Variants in NRXN3 observed in about 807,000 individuals in gnomAD.
NRXN3 encodes neurexin 3.
A neutral mutation model predicts 137.6 loss-of-function variants in NRXN3; 32 were observed. The ratio of observed to expected loss-of-function variants is 0.23; its 90% CI spans 0.18 to 0.31. NRXN3 has a LOEUF of 0.31. NRXN3 is among the 10% of genes least tolerant of loss of function. The pLI, the probability that NRXN3 is intolerant of heterozygous loss-of-function variation, is 1.00. For synonymous variants in NRXN3, 798 were observed against 784.5 expected (o/e 1.02, Z -0.29); for missense variants, 1,574 against 2,062.5 (o/e 0.76, Z 4.59).
chr14:79,446,013 A>G (rs1461430490), intron 15 of NRXN3, among the ~76,000 whole-genome samples: 1 of 152,226 alleles, frequency 6.6e-6, no homozygotes, highest in African/African-American at 2.4e-5. Context: ...ATATTAAATG[A>G]AAGTTCACTA....
chr14:79,750,508 A>AT (rs2098993866), intron 19 of NRXN3, among the ~76,000 whole-genome samples: 2 of 152,116 alleles, frequency 1.3e-5, no homozygotes, highest in Non-Finnish European at 2.9e-5. Context: ...TGTCTTTATG[A>AT]TTCTCTATTC....
chr14:79,113,105 C>T (rs2053825738), intron 15 of NRXN3, among the ~76,000 whole-genome samples: 1 of 152,212 alleles, frequency 6.6e-6, no homozygotes, highest in Admixed American at 6.5e-5. Context: ...AGCACCATTC[C>T]TATCTTATGC....
At chr14:79,238,327 GTTAT>G (rs2073765205) in intron 15 of NRXN3, among the ~76,000 whole-genome samples, 1 of 152,008 alleles carries the variant, frequency 6.6e-6, no homozygotes, top group African/African-American at 2.4e-5. Flanking sequence ...TAATCATTAA[GTTAT>G]TTGTGTATAC....
At chr14:79,244,434 G>A (rs1457403894) in intron 15 of NRXN3, among the ~76,000 whole-genome samples, 1 of 152,102 alleles carries the variant, frequency 6.6e-6, no homozygotes, top group East Asian at 1.9e-4. Flanking sequence ...ATTCTGAGAA[G>A]TCCAGTTCAG....
chr14:78,357,260 AG>A (rs2084447188), intron 4 of NRXN3, among the ~76,000 whole-genome samples: 1 of 152,180 alleles, frequency 6.6e-6, no homozygotes, highest in Non-Finnish European at 1.5e-5. Flanking sequence ...GCAGAGAGAG[AG>A]AACTTGTGCG....
chr14:78,966,159 C>T lies in NRXN3; in HGVS notation c.2530C>T (p.Leu844Phe), dbSNP rs557316040. ...HLQSLMFNGL[L>F]YIDLCKNGDI... ...GCAGAGCCTCATGTTTAATGGCCTT[C>T]TCTACATTGACTTGTGCAAAAATGG... The change falls in exon 12 of 21, where the codon CTC becomes TTC. Residue 844 changes from leucine (L) to phenylalanine (F), a missense_variant. Around this residue, in one of 5 missense-constraint regions of NRXN3, gnomAD observed 718 missense variants for 887.6 expected, o/e 0.81. Coordinates refer to ENST00000335750, the MANE Select transcript of NRXN3 (RefSeq NM_001330195.2). 1 of 1,614,194 alleles carries T rather than the reference C, an allele frequency of 6.2e-7. No homozygotes were observed. The highest frequency in any genetic ancestry group is 1.3e-5 in the African/African-American group (1 of 75,066).
At chr14:78,403,564 G>A (rs17107494) in intron 4 of NRXN3, among the ~76,000 whole-genome samples, 3,958 of 152,258 alleles carry the variant, frequency 0.026, 155 homozygotes, top group African/African-American at 0.083. Flanking sequence ...GAAGCTCCCA[G>A]TGTATGCACA....
chr14:79,632,621 TTA>T (rs1238539886), intron 16 of NRXN3, among the ~76,000 whole-genome samples: 1 of 152,210 alleles, frequency 6.6e-6, no homozygotes, highest in Non-Finnish European at 1.5e-5. Flanking sequence ...TTAAAACAAA[TTA>T]TATCTCTGTC....
At position 78,301,569 on chromosome 14, in the gene NRXN3, T is replaced by C. The variant is rs1567204773; in HGVS notation, c.757+3709T>C. ...GAGGTTAATTGATAAATTATAAATATGTATCTACATCTAGTCTTCCCTGTT... is the reference window on the plus strand; with the variant it reads ...GAGGTTAATTGATAAATTATAAATACGTATCTACATCTAGTCTTCCCTGTT... On this transcript the variant is annotated intron_variant, in intron 4 of 20. Transcript: ENST00000335750. 3.3e-5 allele frequency among the ~76,000 whole-genome samples: 5 copies of C among 152,210 alleles called. No homozygotes were observed. In the South Asian group the frequency reaches 1.0e-3, roughly 32 times the overall value.
At chr14:78,869,785 A>G (rs935697490) in intron 10 of NRXN3, among the ~76,000 whole-genome samples, 2 of 152,154 alleles carry the variant, frequency 1.3e-5, no homozygotes, top group Non-Finnish European at 2.9e-5. Flanking sequence ...AAAATTATAG[A>G]AGGACAATTG....
At chr14:78,261,658 T>C (rs1048734377) in intron 2 of NRXN3, among the ~76,000 whole-genome samples, 1 of 152,208 alleles carries the variant, frequency 6.6e-6, no homozygotes, top group African/African-American at 2.4e-5. Context: ...AACTCATGCA[T>C]TTTATTGCTT....
intron 16 of NRXN3, among the ~76,000 whole-genome samples, chr14:79,592,678 A>G (rs221424): frequency 0.12 from 18,310 of 152,160 alleles, 1,948 homozygotes; most frequent in African/African-American, 0.28. Context: ...ATTTTCTAAG[A>G]CCTTCACTTT....
chr14:79,399,075 G>A (rs1430815691), intron 15 of NRXN3, among the ~76,000 whole-genome samples: 1 of 150,576 alleles, frequency 6.6e-6, no homozygotes, highest in Non-Finnish European at 1.5e-5. Flanking sequence ...CTCAAAGAAG[G>A]CACCTCAGAC....
At chr14:79,239,852 T>A (rs1244927798) in intron 15 of NRXN3, among the ~76,000 whole-genome samples, 1 of 152,166 alleles carries the variant, frequency 6.6e-6, no homozygotes, top group East Asian at 1.9e-4. Context: ...TTTCTGCCAT[T>A]TGCAGCAGCA....
chr14:79,155,219 A>C (rs1395179160), intron 15 of NRXN3, among the ~76,000 whole-genome samples: 1 of 151,952 alleles, frequency 6.6e-6, no homozygotes. Flanking sequence ...GAATGAAAGG[A>C]CCAATCACAA....
At chr14:78,787,728 A>C (rs1370341487) in intron 8 of NRXN3, among the ~76,000 whole-genome samples, 1 of 152,216 alleles carries the variant, frequency 6.6e-6, no homozygotes, top group Admixed American at 6.5e-5. Context: ...CAAGATGAAA[A>C]GCATAACTGG....
intron 2 of NRXN3, among the ~76,000 whole-genome samples, chr14:78,258,128 G>C (rs1225325019): frequency 6.6e-6 from 1 of 152,180 alleles, no homozygotes; most frequent in African/African-American, 2.4e-5. Flanking sequence ...TACCATTTAG[G>C]ACTATTATGA....
At chr14:79,850,154 A>G (rs746954808) in intron 20 of NRXN3, among the ~76,000 whole-genome samples, 2 of 152,214 alleles carry the variant, frequency 1.3e-5, no homozygotes, top group South Asian at 4.1e-4. Flanking sequence ...AAGTCTTCAA[A>G]ATCTTCATTA....
intron 4 of NRXN3, among the ~76,000 whole-genome samples, chr14:78,356,834 A>G (rs1056819869): frequency 6.6e-6 from 1 of 152,220 alleles, no homozygotes; most frequent in Non-Finnish European, 1.5e-5. Context: ...ACTCAGCAAA[A>G]AAGGGAAATT....
Sources: gnomAD v4.1 joint callset for allele counts (sites outside exome capture counted in the v4.1 genomes callset) on GRCh38, gnomAD v4.1.1 for gene constraint, gnomAD v4.1.1 regional missense constraint, MANE v1.5 for transcripts, NCBI Gene and HGNC (gene_info 2026-07-23, HGNC 2026-07-21) for gene names.